GALNTL6: variants seen among roughly 807,000 people sequenced by gnomAD.
GALNTL6 encodes the protein polypeptide N-acetylgalactosaminyltransferase-like 6.
In GALNTL6, 46 loss-of-function variants were observed where a neutral mutation model predicts 73.7. That is an observed-to-expected ratio of 0.62 (90% confidence interval 0.49 to 0.80). The LOEUF (loss-of-function observed/expected upper bound fraction) is 0.80, where lower values mean the gene tolerates loss of function less well. Among genes scored for constraint, GALNTL6 ranks in the 30% least tolerant of loss-of-function variants. The pLI is 0.00. For missense variants in GALNTL6, 604 were observed against 755.0 expected (o/e 0.80, Z 2.34); for synonymous variants, 259 against 263.7 (o/e 0.98, Z 0.17).
intron 2 of GALNTL6, among the ~76,000 whole-genome samples, chr4:172,029,164 A>G (rs988620484): frequency 1.3e-5 from 2 of 152,012 alleles, no homozygotes; most frequent in African/African-American, 4.8e-5. Context: ...TATTTGGAAC[A>G]ATCTATATAA....
At chr4:172,228,386 C>G (rs1736939694) in intron 2 of GALNTL6, among the ~76,000 whole-genome samples, 1 of 151,896 alleles carries the variant, frequency 6.6e-6, no homozygotes, top group Non-Finnish European at 1.5e-5. Flanking sequence ...AGATTATAGT[C>G]ACCTGATTGG....
At chr4:172,461,720 A>C (rs1462990052) in intron 5 of GALNTL6, among the ~76,000 whole-genome samples, 1 of 152,234 alleles carries the variant, frequency 6.6e-6, no homozygotes, top group Admixed American at 6.5e-5. Flanking sequence ...TTTGCTTATA[A>C]GGTCAGAGTT....
chr4:172,243,035 A>G (rs7665731), intron 3 of GALNTL6, among the ~76,000 whole-genome samples: 2,185 of 147,338 alleles, frequency 0.015, 54 homozygotes, highest in African/African-American at 0.052. Flanking sequence ...ATCCAACTTT[A>G]TTCCACTACC....
In GALNTL6 at chr4:172,145,266, G is replaced by A. The variant is rs901507513; in HGVS notation, c.139-84390G>A. Among the ~76,000 whole-genome samples the A allele has an allele frequency of 3.4e-4, 52 of 151,898 alleles. 4 individuals carry two copies. The highest frequency in any genetic ancestry group is 2.8e-3 in the Admixed American group (43 of 15,252). ...GCCATTCTCCTGCCTCAGCCTCCCA[G>A]GTAGCTGGGACTACAGGCGCCCGCC... On this transcript the variant is annotated intron_variant, in intron 2 of 12. Coordinates refer to ENST00000506823, the MANE Select transcript of GALNTL6 (RefSeq NM_001034845.3).
intron 7 of GALNTL6, among the ~76,000 whole-genome samples, chr4:172,864,287 C>T (rs553953828): frequency 6.6e-6 from 1 of 152,200 alleles, no homozygotes; most frequent in African/African-American, 2.4e-5. Context: ...TGCTCCTTAT[C>T]CCCTTCCTAA....
chr4:172,350,326 A>T (rs1371877655), intron 5 of GALNTL6, among the ~76,000 whole-genome samples: 1 of 152,130 alleles, frequency 6.6e-6, no homozygotes, highest in Non-Finnish European at 1.5e-5. Context: ...TCTCAGAGGT[A>T]TTTTTCAGTT....
At chr4:172,696,680 CTCCT>C (rs1390391485) in intron 5 of GALNTL6, among the ~76,000 whole-genome samples, 5 of 152,196 alleles carry the variant, frequency 3.3e-5, no homozygotes, top group African/African-American at 1.2e-4. Context: ...GCCTTTGCTG[CTCCT>C]TCATCTTCCA....
intron 7 of GALNTL6, among the ~76,000 whole-genome samples, chr4:172,818,837 T>C (rs1165731795): frequency 6.6e-6 from 1 of 152,234 alleles, no homozygotes; most frequent in East Asian, 1.9e-4. Flanking sequence ...GACCTCATGA[T>C]CTGCCCGCCT....
At chr4:172,283,743 A>G (rs927819825) in intron 3 of GALNTL6, among the ~76,000 whole-genome samples, 4 of 152,168 alleles carry the variant, frequency 2.6e-5, no homozygotes, top group Non-Finnish European at 5.9e-5. Flanking sequence ...TTAAAAATTC[A>G]GGCAAAATAT....
intron 5 of GALNTL6, among the ~76,000 whole-genome samples, chr4:172,597,604 G>A (rs898573788): frequency 2.6e-5 from 4 of 152,094 alleles, no homozygotes; most frequent in African/African-American, 9.7e-5. Context: ...ATTCTAGTCA[G>A]GTAGGATTTG....
At chr4:171,814,122 G>T in intron 1 of GALNTL6, 132 bp downstream of exon 1, 1 of 173,112 alleles carries the variant, frequency 5.8e-6, no homozygotes, top group Non-Finnish European at 1.2e-5. Context: ...TCTCAGTTCT[G>T]TCTCCTAACC....
In GALNTL6 at chr4:172,404,334, AC is replaced by A. The variant is rs1351003048; in HGVS notation, c.553+55647del. Among the ~76,000 whole-genome samples, 4 of 151,998 alleles carry A rather than the reference AC, an allele frequency of 2.6e-5. No homozygotes were observed. The South Asian group carries it at 6.2e-4, about 24-fold the overall frequency. On this transcript the variant is annotated intron_variant, in intron 5 of 12. Transcript: ENST00000506823. The stretch of plus-strand genomic sequence containing the variant: ...CAAAACCCAATGAGAAAGGATGAAC[AC>A]CAGCCATTATAATAGCTGACAAATA...
At chr4:172,838,881 A>C (rs1743056106) in intron 7 of GALNTL6, among the ~76,000 whole-genome samples, 1 of 152,228 alleles carries the variant, frequency 6.6e-6, no homozygotes, top group African/African-American at 2.4e-5. Context: ...ACCCATCACC[A>C]CAGGGCATAA....
At chr4:172,450,227 A>AAC (rs1554025427) in intron 5 of GALNTL6, among the ~76,000 whole-genome samples, 29 of 150,962 alleles carry the variant, frequency 1.9e-4, no homozygotes, top group African/African-American at 6.3e-4. Flanking sequence ...AAAAAAAAAA[A>AAC]AAACAAACAA....
chr4:172,123,711 G>T (rs1733216523), intron 2 of GALNTL6, among the ~76,000 whole-genome samples: 1 of 151,876 alleles, frequency 6.6e-6, no homozygotes, highest in South Asian at 2.1e-4. Context: ...ATGTTGGCCA[G>T]GATGGTCTTG....
At chr4:172,016,209 G>A (rs79013895) in intron 2 of GALNTL6, among the ~76,000 whole-genome samples, 2,663 of 151,728 alleles carry the variant, frequency 0.018, 61 homozygotes, top group African/African-American at 0.051. Flanking sequence ...TTATTCTTAG[G>A]TTTGGCCACT....
At chr4:172,686,333 G>C (rs1020328923) in intron 5 of GALNTL6, among the ~76,000 whole-genome samples, 2 of 151,856 alleles carry the variant, frequency 1.3e-5, no homozygotes, top group East Asian at 3.9e-4. Flanking sequence ...CCCCACTCCC[G>C]CCATGAACCT....
intron 2 of GALNTL6, among the ~76,000 whole-genome samples, chr4:171,859,670 A>T (rs1364611281): frequency 1.3e-5 from 2 of 152,220 alleles, no homozygotes; most frequent in African/African-American, 4.8e-5. Context: ...GGACCCACGT[A>T]GTTCTCCCAG....
chr4:172,361,210 A>T (rs1434218658), intron 5 of GALNTL6, among the ~76,000 whole-genome samples: 1 of 152,138 alleles, frequency 6.6e-6, no homozygotes, highest in Non-Finnish European at 1.5e-5. Flanking sequence ...GTGAAAACTC[A>T]ATTTATCCTA....
Sources: allele counts gnomAD v4.1 joint callset (sites outside exome capture counted in the v4.1 genomes callset), GRCh38; gene constraint gnomAD v4.1.1; transcripts MANE v1.5; gene names NCBI Gene and HGNC (gene_info 2026-07-23, HGNC 2026-07-21).